Variants in NBEA observed in about 807,000 individuals in gnomAD.
NBEA encodes the protein lysosomal-trafficking regulator 2.
In NBEA, 44 loss-of-function variants were observed where a neutral mutation model predicts 343.4. The observed-to-expected ratio is 0.13, with a 90% CI of 0.10 to 0.16. The LOEUF (loss-of-function observed/expected upper bound fraction) is 0.16, where lower values mean the gene tolerates loss of function less well. NBEA is among the 10% of genes least tolerant of loss of function. The pLI, the probability that NBEA is intolerant of heterozygous loss-of-function variation, is 1.00. For synonymous variants in NBEA, 1,175 were observed against 1,238.7 expected, an observed-to-expected ratio of 0.95 and a Z score of 1.08; for missense variants, 2,555 against 3,631.3, an observed-to-expected ratio of 0.70 and a Z score of 7.62.
chr13:35,106,380 G>C (rs1185806356), intron 11 of NBEA, among the ~76,000 whole-genome samples: 1 of 151,896 alleles, frequency 6.6e-6, no homozygotes, highest in Admixed American at 6.6e-5. Context: ...TTCCCAGGCT[G>C]TGTTTTTTCC....
chr13:35,445,934 T>C (rs893201411), intron 39 of NBEA, among the ~76,000 whole-genome samples: 3 of 151,200 alleles, frequency 2.0e-5, no homozygotes, highest in African/African-American at 4.9e-5. Context: ...GTCATTTACA[T>C]TAGGTATATC....
intron 1 of NBEA, among the ~76,000 whole-genome samples, chr13:34,965,767 A>C (rs1239524417): frequency 6.6e-6 from 1 of 151,994 alleles, no homozygotes; most frequent in Non-Finnish European, 1.5e-5. Context: ...GGGTGGGAGG[A>C]GGAGAAATTA....
chr13:35,019,023 A>G (rs1176449068), intron 1 of NBEA, among the ~76,000 whole-genome samples: 2 of 149,478 alleles, frequency 1.3e-5, no homozygotes, highest in Admixed American at 1.3e-4. Flanking sequence ...ATTTTTAGTC[A>G]GCTGATATGG....
intron 31 of NBEA, among the ~76,000 whole-genome samples, chr13:35,198,535 T>G (rs1203843480): frequency 6.6e-6 from 1 of 152,162 alleles, no homozygotes; most frequent in Non-Finnish European, 1.5e-5. Flanking sequence ...TTTATTATAC[T>G]TTTGAGAATA....
chr13:35,032,897 G>T (rs948621771), intron 1 of NBEA, among the ~76,000 whole-genome samples: 1 of 151,740 alleles, frequency 6.6e-6, no homozygotes, highest in Non-Finnish European at 1.5e-5. Flanking sequence ...ATGTATTCTG[G>T]TTATTAATCC....
chr13:35,452,523 A>G (rs1226815898), intron 40 of NBEA, among the ~76,000 whole-genome samples: 2 of 152,180 alleles, frequency 1.3e-5, no homozygotes, highest in Non-Finnish European at 2.9e-5. Context: ...CTTACGGCCT[A>G]TATTATAATT....
intron 55 of NBEA, 144 bp downstream of exon 55, chr13:35,655,893 G>T (rs555291216): frequency 1.5e-6 from 1 of 669,948 alleles, no homozygotes; most frequent in African/African-American, 1.8e-5. Flanking sequence ...GTACTGGAAC[G>T]TAGCTATGTT....
At chr13:35,254,324 C>CTTTTTT (rs377465927) in intron 34 of NBEA, among the ~76,000 whole-genome samples, 1 of 132,808 alleles carries the variant, frequency 7.5e-6, no homozygotes, top group African/African-American at 2.8e-5. Flanking sequence ...TTATTTTTTA[C>CTTTTTT]TTTTTTTTTT....
At chr13:35,046,105 G>C (rs542540787) in intron 4 of NBEA, among the ~76,000 whole-genome samples, 2 of 152,100 alleles carry the variant, frequency 1.3e-5, no homozygotes, top group East Asian at 1.9e-4. Context: ...TTTAATTACT[G>C]TTTTATTCTG....
At chr13:35,330,842 T>C (rs987550900) in intron 36 of NBEA, among the ~76,000 whole-genome samples, 2 of 152,072 alleles carry the variant, frequency 1.3e-5, no homozygotes, top group Admixed American at 6.6e-5. Flanking sequence ...TTTTTCCATC[T>C]TGTTCTACAC....
chr13:35,564,300 T>G (rs868029748), intron 44 of NBEA, among the ~76,000 whole-genome samples: 1 of 152,014 alleles, frequency 6.6e-6, no homozygotes, highest in Admixed American at 6.6e-5. Context: ...TATATCTAGA[T>G]AGGTAGCATC....
chr13:35,370,521 T>C (rs981633999), intron 38 of NBEA, among the ~76,000 whole-genome samples: 37 of 152,064 alleles, frequency 2.4e-4, no homozygotes, highest in Non-Finnish European at 4.4e-5. Flanking sequence ...GAATGTGTAA[T>C]CTGTTTACAT....
intron 39 of NBEA, among the ~76,000 whole-genome samples, chr13:35,445,965 C>G (rs1238035966): frequency 2.0e-5 from 3 of 151,332 alleles, no homozygotes; most frequent in Admixed American, 1.3e-4. Flanking sequence ...ATCCCTCCCC[C>G]CTCTCCCCAC....
intron 39 of NBEA, among the ~76,000 whole-genome samples, chr13:35,441,869 C>G (rs1303749038): frequency 6.7e-6 from 1 of 149,880 alleles, no homozygotes; most frequent in Non-Finnish European, 1.5e-5. Context: ...GGTAATGTCA[C>G]TTACTGTGCA....
chr13:35,172,178 A>AAATT (rs757387699), intron 26 of NBEA, among the ~76,000 whole-genome samples: 2 of 152,052 alleles, frequency 1.3e-5, no homozygotes, highest in Non-Finnish European at 2.9e-5. Context: ...CATAACTTTT[A>AAATT]AAGATTATGT....
chr13:35,564,177 CTTTTTAACAG>C (rs2080023449), intron 44 of NBEA, among the ~76,000 whole-genome samples: 1 of 151,856 alleles, frequency 6.6e-6, no homozygotes, highest in Non-Finnish European at 1.5e-5. Flanking sequence ...TGTAAATTGG[CTTTTTAACAG>C]TTTTCCTTAA....
chr13:35,384,106 G>C (rs1280858974), intron 38 of NBEA, among the ~76,000 whole-genome samples: 3 of 152,102 alleles, frequency 2.0e-5, no homozygotes, highest in Admixed American at 6.5e-5. Flanking sequence ...CCCATACTGA[G>C]TGAGGTAGCA....
intron 39 of NBEA, among the ~76,000 whole-genome samples, chr13:35,445,818 GTA>G (rs1207256152): frequency 0.029 from 2,007 of 68,632 alleles, 47 homozygotes; most frequent in East Asian, 0.11. Flanking sequence ...ATATATATAT[GTA>G]TATATATATA....
rs1164586829 is a variant in NBEA, at chr13:35,664,999, G to A, written c.8363-86G>A. The A allele has an allele frequency of 6.9e-6, 6 of 871,898 alleles. No homozygotes were observed. In the Admixed American group the frequency reaches 1.0e-4, roughly 15 times the overall value. 54.0% of individuals were successfully genotyped at this position (871,898 alleles called of 1,614,324 possible). A position where few individuals can be genotyped will look rare whatever the true frequency, so the allele number is the denominator to read the frequency against. The stretch of plus-strand genomic sequence containing the variant: ...AATAATAATGCCCTTAATAAACATG[G>A]GTATTTTTTGAATATTGCATTGCTG... On this transcript the variant is annotated intron_variant, in intron 55 of 58. Transcript: ENST00000379939.
Sources: allele counts gnomAD v4.1 joint callset (sites outside exome capture counted in the v4.1 genomes callset), GRCh38; gene constraint gnomAD v4.1.1; transcripts MANE v1.5; gene names NCBI Gene and HGNC (gene_info 2026-07-23, HGNC 2026-07-21).